Variants in C12orf75 observed in about 807,000 individuals in gnomAD.
The protein encoded by C12orf75 is chromosome 12 open reading frame 75.
A neutral mutation model predicts 11.4 loss-of-function variants in C12orf75; 4 were observed. That is an observed-to-expected ratio of 0.35 (90% confidence interval 0.17 to 0.80). The LOEUF (loss-of-function observed/expected upper bound fraction) is 0.80. Among genes scored for constraint, C12orf75 ranks in the 30% least tolerant of loss-of-function variants. C12orf75 has a pLI of 0.52. For missense variants in C12orf75, 89 were observed against 80.4 expected (o/e 1.11, Z -0.41); for synonymous variants, 30 against 30.0 (o/e 1.00, Z 0.00).
chr12:105,338,959 C>A (rs1892532109), intron 1 of C12orf75, among the ~76,000 whole-genome samples: 1 of 152,126 alleles, frequency 6.6e-6, no homozygotes. Flanking sequence ...ATAAGAGCTT[C>A]CATTTTCATT....
intron 1 of C12orf75, among the ~76,000 whole-genome samples, chr12:105,331,944 A>G (rs944723094): frequency 6.6e-6 from 1 of 152,198 alleles, no homozygotes. Context: ...GGCCCTGGCA[A>G]TGACTTTGTA....
In C12orf75 at chr12:105,365,829, G is replaced by T; in HGVS notation, c.94G>T (p.Asp32Tyr). ...TAGAACAGAAGAATCCGTAACAGAA[G>T]ATGACAAGAGGAGGTATGTTTGGTA... The part of the protein sequence containing the change: ...KDVTEESVTE[D>Y]DKRRNYGGVY... The change falls in exon 3 of 6, where the codon GAT (aspartate) becomes TAT (tyrosine). Residue 32 changes from aspartate to tyrosine, a missense_variant. By Grantham distance (160) the Asp-to-Tyr change is radical. Transcript: ENST00000443585. 3 of 1,549,464 alleles carry T rather than the reference G, an allele frequency of 1.9e-6. No homozygotes were observed. The highest frequency in any genetic ancestry group is 2.4e-5 in the South Asian group (2 of 84,012).
At chr12:105,332,161 A>G (rs748994473) in intron 1 of C12orf75, among the ~76,000 whole-genome samples, 6 of 152,212 alleles carry the variant, frequency 3.9e-5, no homozygotes, top group East Asian at 1.9e-4. Context: ...GCCTGTGGCC[A>G]GAAAGCTCTG....
intron 1 of C12orf75, 103 bp from the exon 2 acceptor site, chr12:105,348,499 A>G: frequency 2.9e-6 from 2 of 684,116 alleles, no homozygotes; most frequent in Non-Finnish European, 4.4e-6. Flanking sequence ...TTTTAAACCC[A>G]TTTTCTCTTC....
chr12:105,356,325 T>C (rs761597599), intron 2 of C12orf75, among the ~76,000 whole-genome samples: 5 of 151,874 alleles, frequency 3.3e-5, no homozygotes, highest in Non-Finnish European at 7.4e-5. Context: ...TAGAAACAGA[T>C]CAGGAGAGCC....
intron 2 of C12orf75, among the ~76,000 whole-genome samples, chr12:105,355,385 G>T (rs1412331132): frequency 6.6e-6 from 1 of 152,080 alleles, no homozygotes; most frequent in African/African-American, 2.4e-5. Context: ...GGCCAGGCTG[G>T]TCTCGAACTC....
intron 2 of C12orf75, among the ~76,000 whole-genome samples, chr12:105,349,879 A>C (rs73401756): frequency 0.31 from 46,800 of 151,920 alleles, 7,161 homozygotes; most frequent in Non-Finnish European, 0.31. Context: ...TCTGTCTCAA[A>C]AAAAAGAAAA....
chr12:105,363,312 C>T (rs1457232686), intron 2 of C12orf75, among the ~76,000 whole-genome samples: 1 of 152,236 alleles, frequency 6.6e-6, no homozygotes, highest in East Asian at 1.9e-4. Flanking sequence ...CCCACGGAGT[C>T]CTGGTCTCTA....
At chr12:105,349,297 C>G (rs1393952744) in intron 2 of C12orf75, among the ~76,000 whole-genome samples, 1 of 152,164 alleles carries the variant, frequency 6.6e-6, no homozygotes, top group African/African-American at 2.4e-5. Context: ...ATCAACTCTC[C>G]CACCCAAAAC....
chr12:105,345,247 G>A (rs1892623617), intron 1 of C12orf75, among the ~76,000 whole-genome samples: 1 of 152,030 alleles, frequency 6.6e-6, no homozygotes, highest in South Asian at 2.1e-4. Flanking sequence ...CTAACACTTT[G>A]GGAAGCTGAG....
Position 105,348,620 on chromosome 12 carries a change from A to G in C12orf75, c.65A>G (p.Lys22Arg), listed in dbSNP as rs1239708556. The change falls in exon 2 of 6, where the codon AAA (lysine) becomes AGA (arginine). Residue 22 changes from lysine (K) to arginine (R), a missense_variant. Physicochemically the swap from Lys to Arg is conservative, Grantham distance 26 (BLOSUM62 2). Transcript: ENST00000443585. Reference protein sequence around the residue: ...GAGQGPAGAAKDVTEESVTED... With the variant: ...GAGQGPAGAARDVTEESVTED... ...TCTCTAGGCCCTGCAGGAGCAGCCA[A>G]AGATGTGTAAGTATTGAATATTAAT... The G allele has an allele frequency of 3.9e-6, 6 of 1,537,508 alleles. No individual in the cohort carries two copies. The East Asian group carries it at 1.5e-4, about 38-fold the overall frequency.
chr12:105,365,235 A>G (rs1025162966), intron 2 of C12orf75, among the ~76,000 whole-genome samples: 1 of 152,138 alleles, frequency 6.6e-6, no homozygotes. Context: ...TTTGCAGTAG[A>G]TCATGTATGA....
chr12:105,345,949 C>T (rs1345134933), intron 1 of C12orf75, among the ~76,000 whole-genome samples: 5 of 152,106 alleles, frequency 3.3e-5, no homozygotes, highest in Non-Finnish European at 7.4e-5. Context: ...CAGGCGTGAG[C>T]CACCGTGCCC....
At chr12:105,345,154 G>C (rs752686292) in intron 1 of C12orf75, among the ~76,000 whole-genome samples, 1 of 152,026 alleles carries the variant, frequency 6.6e-6, no homozygotes, top group Admixed American at 6.6e-5. Context: ...TGACAAAGCA[G>C]ACTCTTTGTA....
intron 2 of C12orf75, among the ~76,000 whole-genome samples, chr12:105,358,762 T>G (rs1892820770): frequency 6.6e-6 from 1 of 152,168 alleles, no homozygotes; most frequent in Non-Finnish European, 1.5e-5. Flanking sequence ...TTACACAAGT[T>G]TATTCTTTAG....
intron 1 of C12orf75, among the ~76,000 whole-genome samples, 199 bp from the exon 2 acceptor site, chr12:105,348,403 A>T (rs959749607): frequency 7.0e-6 from 1 of 143,518 alleles, no homozygotes; most frequent in Non-Finnish European, 1.5e-5. Flanking sequence ...CAACGAAGTG[A>T]GACTGTATCT....
chr12:105,333,426 C>T (rs562578677), intron 1 of C12orf75, among the ~76,000 whole-genome samples: 2 of 152,112 alleles, frequency 1.3e-5, no homozygotes, highest in South Asian at 2.1e-4. Context: ...ATACGAAACG[C>T]GTTAAAGAGA....
At position 105,370,809 on chromosome 12, in the gene C12orf75, T is replaced by G; in HGVS notation, c.*209T>G. 1 of 426,148 alleles carries G rather than the reference T, an allele frequency of 2.3e-6. No homozygotes were observed. The highest frequency in any genetic ancestry group is 2.0e-5 in the African/African-American group (1 of 49,278). The allele number at this position is 426,148 out of a possible 1,614,324, so 26.4% of individuals were successfully genotyped here. Reference sequence around the variant, plus strand: ...TAATAGAAGGGAATTGGTTAAACAGTACACTTGTTTATGGAACTTTCTGTG... The same window carrying G: ...TAATAGAAGGGAATTGGTTAAACAGGACACTTGTTTATGGAACTTTCTGTG... On this transcript the variant is annotated 3_prime_UTR_variant, in exon 6 of 6. Coordinates refer to ENST00000443585, the MANE Select transcript of C12orf75 (RefSeq NM_001145199.2).
At chr12:105,358,205 G>C (rs1259643198) in intron 2 of C12orf75, among the ~76,000 whole-genome samples, 1 of 152,034 alleles carries the variant, frequency 6.6e-6, no homozygotes, top group African/African-American at 2.4e-5. Context: ...GGTTCTTAGG[G>C]AACGTTCCTG....
Sources: allele counts gnomAD v4.1 joint callset (sites outside exome capture counted in the v4.1 genomes callset), GRCh38; gene constraint gnomAD v4.1.1; transcripts MANE v1.5; gene names NCBI Gene and HGNC (gene_info 2026-07-23, HGNC 2026-07-21).